Variants in PTPRT observed in about 807,000 individuals in gnomAD.
PTPRT encodes protein tyrosine phosphatase receptor type T, also known as receptor-type tyrosine-protein phosphatase T.
In PTPRT, 56 loss-of-function variants were observed where a neutral mutation model predicts 176.8. The ratio of observed to expected loss-of-function variants is 0.32; its 90% CI spans 0.26 to 0.40. PTPRT has a LOEUF of 0.40. Among genes scored for constraint, PTPRT ranks in the 10% least tolerant of loss-of-function variants. The pLI is 1.00. For synonymous variants in PTPRT, 783 were observed against 739.0 expected, an observed-to-expected ratio of 1.06 and a Z score of -0.96; for missense variants, 1,540 against 1,908.2, an observed-to-expected ratio of 0.81 and a Z score of 3.60.
At chr20:42,798,001 G>T (rs1432774317) in intron 2 of PTPRT, among the ~76,000 whole-genome samples, 1 of 152,200 alleles carries the variant, frequency 6.6e-6, no homozygotes, top group African/African-American at 2.4e-5. Context: ...AGATTAGAAT[G>T]TGTGGGGTTT....
chr20:42,232,380 C>T (rs1156606997), intron 15 of PTPRT, among the ~76,000 whole-genome samples: 1 of 152,148 alleles, frequency 6.6e-6, no homozygotes, highest in Non-Finnish European at 1.5e-5. Flanking sequence ...ATATGAATCA[C>T]CTGCGACCTT....
intron 2 of PTPRT, among the ~76,000 whole-genome samples, chr20:42,853,919 C>A (rs752962529): frequency 2.0e-5 from 3 of 152,170 alleles, no homozygotes; most frequent in Non-Finnish European, 4.4e-5. Context: ...AGACTAACCC[C>A]GTGGCTGAGC....
At chr20:42,042,325 T>C in the PTPRT span, among the ~76,000 whole-genome samples, 1 of 152,248 alleles carries the variant, frequency 6.6e-6, no homozygotes, top group Non-Finnish European at 1.5e-5. Flanking sequence ...GATGGTTTTA[T>C]TGCATACCAT....
At chr20:42,104,498 C>T in intron 25 of PTPRT, 71 bp downstream of exon 25, 1 of 1,469,122 alleles carries the variant, frequency 6.8e-7, no homozygotes, top group Non-Finnish European at 9.3e-7. Flanking sequence ...TTAAACCACC[C>T]AATCTATGGA....
At chr20:42,629,179 A>G (rs2074355436) in intron 7 of PTPRT, among the ~76,000 whole-genome samples, 1 of 150,062 alleles carries the variant, frequency 6.7e-6, no homozygotes, top group South Asian at 2.1e-4. Context: ...AAGAAAAGCC[A>G]GTGAGGATGC....
At chr20:42,729,042 G>T (rs1447787921) in intron 6 of PTPRT, among the ~76,000 whole-genome samples, 1 of 151,914 alleles carries the variant, frequency 6.6e-6, no homozygotes, top group African/African-American at 2.4e-5. Flanking sequence ...TCCATAGAGG[G>T]GCTTCGAGGA....
intron 1 of PTPRT, among the ~76,000 whole-genome samples, chr20:43,123,513 C>T (rs535353270): frequency 6.6e-6 from 1 of 152,266 alleles, no homozygotes; most frequent in Non-Finnish European, 1.5e-5. Flanking sequence ...TCTATGTCTT[C>T]CTGCTGCTAG....
intron 16 of PTPRT, among the ~76,000 whole-genome samples, chr20:42,163,904 C>CA: frequency 6.6e-6 from 1 of 152,214 alleles, no homozygotes; most frequent in South Asian, 2.1e-4. Flanking sequence ...TCCCAGCTGT[C>CA]ATGAATAGCT....
At chr20:42,206,832 G>C (rs1040098758) in intron 15 of PTPRT, among the ~76,000 whole-genome samples, 5 of 152,242 alleles carry the variant, frequency 3.3e-5, no homozygotes, top group African/African-American at 9.6e-5. Flanking sequence ...CTCCACCTCT[G>C]GGGGCAGGGC....
chr20:43,041,945 G>T (rs1986623539), intron 1 of PTPRT, among the ~76,000 whole-genome samples: 2 of 152,294 alleles, frequency 1.3e-5, no homozygotes, highest in South Asian at 2.1e-4. Flanking sequence ...TGGTCTAAAT[G>T]GTTGTCACTC....
At chr20:42,966,216 C>T (rs1042155060) in intron 1 of PTPRT, 33 of 152,286 alleles carry the variant, frequency 2.2e-4, no homozygotes, top group African/African-American at 7.5e-4. Context: ...ATTTAAAATC[C>T]CACACCAGTA....
intron 9 of PTPRT, among the ~76,000 whole-genome samples, chr20:42,423,553 G>C (rs1374019128): frequency 6.6e-6 from 1 of 152,076 alleles, no homozygotes; most frequent in Admixed American, 6.5e-5. Context: ...TCAGAGCTTG[G>C]GTTGATGCAA....
rs143213170 is a variant in PTPRT, at chr20:42,203,106, T to C, written c.2343-3718A>G. Among the ~76,000 whole-genome samples, 17 of 152,322 alleles carry C rather than the reference T, an allele frequency of 1.1e-4. No individual in the cohort carries two copies. The East Asian group carries it at 3.3e-3, about 29-fold the overall frequency. On this transcript the variant is annotated intron_variant, in intron 15 of 30. Transcript: ENST00000373187. Reference sequence around the variant, plus strand: ...GTGATAATAATGTTATATAATCATTTTAATGTATGGATAGATGTTATGGCA... The same window carrying C: ...GTGATAATAATGTTATATAATCATTCTAATGTATGGATAGATGTTATGGCA...
At chr20:42,506,595 A>G (rs565526596) in intron 7 of PTPRT, among the ~76,000 whole-genome samples, 1 of 152,160 alleles carries the variant, frequency 6.6e-6, no homozygotes, top group Admixed American at 6.6e-5. Context: ...AATGTTGCAC[A>G]ATAATTTGTG....
chr20:42,993,255 A>G (rs568250389), intron 1 of PTPRT, among the ~76,000 whole-genome samples: 1 of 151,270 alleles, frequency 6.6e-6, no homozygotes, highest in South Asian at 2.1e-4. Flanking sequence ...TGTCTCTACT[A>G]AAAATACAAA....
chr20:42,726,095 T>A (rs953530515), intron 6 of PTPRT, among the ~76,000 whole-genome samples: 7 of 142,378 alleles, frequency 4.9e-5, no homozygotes, highest in African/African-American at 1.3e-4. Flanking sequence ...TTATTATTAT[T>A]ATAGACTGAG....
chr20:43,030,929 A>G (rs955282059), intron 1 of PTPRT, among the ~76,000 whole-genome samples: 3 of 152,194 alleles, frequency 2.0e-5, no homozygotes, highest in Admixed American at 1.3e-4. Context: ...TGCAAGAAGG[A>G]GGTTTACTGA....
intron 16 of PTPRT, among the ~76,000 whole-genome samples, chr20:42,165,121 T>G (rs1989771411): frequency 1.3e-5 from 2 of 152,124 alleles, no homozygotes; most frequent in African/African-American, 2.4e-5. Context: ...CTTTGCTGTC[T>G]TCCTGCTCTC....
At chr20:43,144,726 G>A (rs962261373) in intron 1 of PTPRT, among the ~76,000 whole-genome samples, 8 of 152,010 alleles carry the variant, frequency 5.3e-5, no homozygotes, top group Non-Finnish European at 1.0e-4. Context: ...TGGTGAAAAC[G>A]TTCTAAAATG....
Sources: allele counts gnomAD v4.1 joint callset (sites outside exome capture counted in the v4.1 genomes callset), GRCh38; gene constraint gnomAD v4.1.1; transcripts MANE v1.5; gene names NCBI Gene and HGNC (gene_info 2026-07-23, HGNC 2026-07-21).